The following NUDT6 variants were observed in gnomAD, a reference collection of about 807,000 sequenced individuals.
NUDT6 encodes nudix hydrolase 6.
A neutral mutation model predicts 36.8 loss-of-function variants in NUDT6; 24 were observed. That is an observed-to-expected ratio of 0.65 (90% CI 0.47 to 0.92). The LOEUF (loss-of-function observed/expected upper bound fraction) is 0.92, where lower values mean the gene tolerates loss of function less well. Ranked by LOEUF, NUDT6 falls within the 40% of genes least tolerant of loss-of-function variation. NUDT6 has a pLI of 0.00. For missense variants in NUDT6, 388 were observed against 392.8 expected, an observed-to-expected ratio of 0.99 and a Z score of 0.10; for synonymous variants, 163 against 157.0, an observed-to-expected ratio of 1.04 and a Z score of -0.29.
At chr4:122,915,491 A>AACAAACAAAC (rs1560773970) in intron 2 of NUDT6, among the ~76,000 whole-genome samples, 9 of 137,672 alleles carry the variant, frequency 6.5e-5, no homozygotes, top group Admixed American at 5.9e-4. Context: ...AAAAAAAAAA[A>AACAAACAAAC]AAAAAAACAA....
intron 4 of NUDT6, chr4:122,895,597 T>G (rs908473028): frequency 1.3e-5 from 2 of 152,224 alleles, no homozygotes; most frequent in African/African-American, 4.8e-5. Context: ...GTAATACGAT[T>G]TTTTAAGAAG....
At chr4:122,918,096 TA>T (rs1727884440) in intron 1 of NUDT6, 2 of 168,030 alleles carry the variant, frequency 1.2e-5, no homozygotes, top group African/African-American at 2.4e-5. Context: ...TATGGACTTC[TA>T]TTTTTTTCTT....
chr4:122,903,008 A>T (rs1487363659), intron 3 of NUDT6, among the ~76,000 whole-genome samples: 1 of 152,198 alleles, frequency 6.6e-6, no homozygotes, highest in Non-Finnish European at 1.5e-5. Context: ...TATATAATCT[A>T]CATCTAATTT....
At chr4:122,900,342 TC>T (rs1411311817) in intron 3 of NUDT6, among the ~76,000 whole-genome samples, 2 of 147,362 alleles carry the variant, frequency 1.4e-5, no homozygotes, top group Non-Finnish European at 2.9e-5. Flanking sequence ...CATTTAAACT[TC>T]CTTTTTTTCC....
intron 1 of NUDT6, chr4:122,919,245 T>C (rs1727916568): frequency 6.6e-6 from 1 of 152,232 alleles, no homozygotes; most frequent in Non-Finnish European, 1.5e-5. Flanking sequence ...TGAGACGGAG[T>C]CTTGCTCTGT....
intron 1 of NUDT6, chr4:122,921,281 T>C (rs1275942332): frequency 6.6e-6 from 1 of 152,148 alleles, no homozygotes; most frequent in Non-Finnish European, 1.5e-5. Flanking sequence ...TCTGGTTTAG[T>C]ATTTGATAGC....
chr4:122,917,147 TGA>T (rs549494192), intron 2 of NUDT6, among the ~76,000 whole-genome samples: 12 of 152,230 alleles, frequency 7.9e-5, no homozygotes, highest in Non-Finnish European at 1.3e-4. Context: ...AACAATATTT[TGA>T]GAGAGACCAC....
chr4:122,922,351 G>T lies in NUDT6; in HGVS notation c.222C>A (p.Phe74Leu), dbSNP rs758856257. 1 of 1,601,922 alleles carries T rather than the reference G, an allele frequency of 6.2e-7. No homozygotes were observed. The change falls in exon 1 of 5, where the codon TTC (phenylalanine) becomes TTA (leucine). Residue 74 changes from phenylalanine to leucine, a missense_variant. Coordinates refer to ENST00000304430, the MANE Select transcript of NUDT6 (RefSeq NM_007083.5). ...DALDRLDAAA[F>L]QKGLQAAVQQ... ...CGCACTTGCCCTGCAAGCCCTTCTG[G>T]AAGGCGGCAGCGTCCAGGCGGTCCA...
intron 2 of NUDT6, among the ~76,000 whole-genome samples, chr4:122,916,263 A>G (rs1015634526): frequency 6.6e-6 from 1 of 152,162 alleles, no homozygotes; most frequent in Non-Finnish European, 1.5e-5. Context: ...GCAATCTACA[A>G]TGTGAGAATC....
chr4:122,895,983 CAT>C (rs1727338534), intron 4 of NUDT6: 1 of 152,622 alleles, frequency 6.6e-6, no homozygotes, highest in South Asian at 2.1e-4. Flanking sequence ...TTCATATAGA[CAT>C]AGTCTTTCAG....
In NUDT6 at chr4:122,922,540, G is replaced by A. The variant is rs535783622; in HGVS notation, c.33C>T (p.Arg11=). Residue 11 remains arginine (R), a synonymous_variant, in exon 1 of 5, where the codon CGC becomes CGT. Transcript: ENST00000304430. The stretch of plus-strand genomic sequence containing the variant: ...GGCCGTAGGTTCGGGCAAGCATCGC[G>A]CGCCAGCGGCCCCAGCTCAGTGGCT... MRQPLSWGRW[R]AMLARTYGPG... The A allele has an allele frequency of 1.1e-5, 18 of 1,603,214 alleles. No individual in the cohort carries two copies. The highest frequency in any genetic ancestry group is 1.7e-4 in the Middle Eastern group (1 of 5,972).
chr4:122,914,518 A>G (rs1727792146), intron 2 of NUDT6, among the ~76,000 whole-genome samples: 1 of 152,202 alleles, frequency 6.6e-6, no homozygotes, highest in Admixed American at 6.5e-5. Flanking sequence ...TGCTGGTCAC[A>G]ACATAAAAAT....
At chr4:122,916,158 C>A (rs1396831761) in intron 2 of NUDT6, among the ~76,000 whole-genome samples, 1 of 152,104 alleles carries the variant, frequency 6.6e-6, no homozygotes, top group East Asian at 1.9e-4. Context: ...CCAGGAAGAT[C>A]ACCTGAATTT....
Position 122,922,584 on chromosome 4 carries a change from T to A in NUDT6, c.-12A>T. Reference sequence around the variant, plus strand: ...AGTGGCTGCCGCATCTCCACGCCGCTTAATTCGTCCGTTGCCCAAATGACC... The same window carrying A: ...AGTGGCTGCCGCATCTCCACGCCGCATAATTCGTCCGTTGCCCAAATGACC... On this transcript the variant is annotated 5_prime_UTR_variant, in exon 1 of 5. It adds an upstream start codon to the 5' untranslated region. Coordinates refer to ENST00000304430, the MANE Select transcript of NUDT6 (RefSeq NM_007083.5). 6.3e-7 allele frequency: 1 copy of A among 1,587,976 alleles called. No homozygotes were observed. Among genetic ancestry groups the A allele is most frequent in the Non-Finnish European group, 8.5e-7 (1 of 1,172,430 alleles).
At chr4:122,913,829 T>C (rs1727778032) in intron 2 of NUDT6, among the ~76,000 whole-genome samples, 1 of 152,204 alleles carries the variant, frequency 6.6e-6, no homozygotes, top group Non-Finnish European at 1.5e-5. Flanking sequence ...ACAAATGACG[T>C]ATTAGTGATT....
chr4:122,908,040 T>C (rs1380492464), intron 3 of NUDT6, among the ~76,000 whole-genome samples: 2 of 146,582 alleles, frequency 1.4e-5, no homozygotes, highest in South Asian at 2.1e-4. Context: ...CTACTGTGAA[T>C]TGTAACTAAA....
At chr4:122,909,494 A>AT (rs913619903) in intron 3 of NUDT6, among the ~76,000 whole-genome samples, 14 of 150,940 alleles carry the variant, frequency 9.3e-5, no homozygotes, top group East Asian at 1.9e-4. Context: ...TAGAATTAAA[A>AT]TTTTTTTTTT....
intron 3 of NUDT6, among the ~76,000 whole-genome samples, chr4:122,908,617 T>C (rs1258707278): frequency 6.6e-6 from 1 of 152,230 alleles, no homozygotes; most frequent in Admixed American, 6.5e-5. Context: ...AATTGCCCAC[T>C]GGCACACGTT....
chr4:122,922,612 T>TC (rs751420218), upstream of NUDT6: 4 of 1,532,948 alleles, frequency 2.6e-6, no homozygotes, highest in Non-Finnish European at 3.5e-6. Flanking sequence ...AAATGACCCC[T>TC]CCGCGCTCCA....
Sources: allele counts gnomAD v4.1 joint callset (sites outside exome capture counted in the v4.1 genomes callset), GRCh38; gene constraint gnomAD v4.1.1; transcripts MANE v1.5; gene names NCBI Gene and HGNC (gene_info 2026-07-23, HGNC 2026-07-21).